PHF21A: variants seen among roughly 807,000 people sequenced by gnomAD.
PHF21A encodes the protein PHD finger protein 21A.
Under a neutral mutation model 82.5 loss-of-function variants are expected in PHF21A, and 11 were observed. The observed-to-expected ratio is 0.13, with a 90% CI of 0.08 to 0.22. The LOEUF (loss-of-function observed/expected upper bound fraction) is 0.22, where lower values mean the gene tolerates loss of function less well. PHF21A is among the 10% of genes least tolerant of loss of function. PHF21A has a pLI of 1.00. For synonymous variants in PHF21A, 297 were observed against 302.8 expected (o/e 0.98, Z 0.20); for missense variants, 579 against 837.8 (o/e 0.69, Z 3.81).
chr11:46,038,251 T>C (rs2096058077), intron 6 of PHF21A, among the ~76,000 whole-genome samples: 1 of 151,950 alleles, frequency 6.6e-6, no homozygotes. Context: ...CTCAGCCTCC[T>C]GAGTAGCTGA....
intron 6 of PHF21A, among the ~76,000 whole-genome samples, chr11:46,036,689 T>C (rs11038747): frequency 0.017 from 2,644 of 152,334 alleles, 39 homozygotes; most frequent in Non-Finnish European, 0.026. Context: ...TCCACTGTTA[T>C]TTCCTCACAG....
intron 6 of PHF21A, among the ~76,000 whole-genome samples, chr11:46,003,618 C>T (rs1440534498): frequency 6.6e-6 from 1 of 152,000 alleles, no homozygotes; most frequent in Non-Finnish European, 1.5e-5. Flanking sequence ...AGGATGATGA[C>T]TAGTACTTAT....
chr11:46,085,859 A>T (rs1313664822), intron 3 of PHF21A, among the ~76,000 whole-genome samples: 1 of 152,124 alleles, frequency 6.6e-6, no homozygotes, highest in African/African-American at 2.4e-5. Flanking sequence ...TATTCTCATT[A>T]GGCATAAAAC....
intron 6 of PHF21A, among the ~76,000 whole-genome samples, chr11:46,033,629 AAG>A (rs1481074825): frequency 1.3e-5 from 2 of 152,178 alleles, no homozygotes; most frequent in African/African-American, 2.4e-5. Flanking sequence ...GTATGTCTGT[AAG>A]AGTGTCTTTA....
chr11:46,043,157 G>A (rs904817058), intron 6 of PHF21A, among the ~76,000 whole-genome samples: 1 of 152,074 alleles, frequency 6.6e-6, no homozygotes, highest in Admixed American at 6.6e-5. Flanking sequence ...TTAGAGGTAA[G>A]AAATTCAATC....
chr11:45,950,169 C>A, intron 12 of PHF21A, 37 bp downstream of exon 12: 1 of 1,499,064 alleles, frequency 6.7e-7, no homozygotes, highest in Non-Finnish European at 9.2e-7. Context: ...AGCTGTGGGC[C>A]AGAAAAAAAG....
chr11:45,957,804 T>C (rs1001807265), intron 10 of PHF21A, among the ~76,000 whole-genome samples: 3 of 91,606 alleles, frequency 3.3e-5, no homozygotes, highest in Non-Finnish European at 4.9e-5. Context: ...TGAAGATAAA[T>C]GAAATAGAGA....
At chr11:46,018,936 A>T (rs1398687177) in intron 6 of PHF21A, among the ~76,000 whole-genome samples, 1 of 152,216 alleles carries the variant, frequency 6.6e-6, no homozygotes, top group Non-Finnish European at 1.5e-5. Flanking sequence ...TGACAAAATC[A>T]ATGTATCATA....
At chr11:46,110,269 A>G (rs2135985734) in intron 1 of PHF21A, among the ~76,000 whole-genome samples, 1 of 152,318 alleles carries the variant, frequency 6.6e-6, no homozygotes, top group East Asian at 1.9e-4. Flanking sequence ...AAGCCCAGCA[A>G]GGATGAACTT....
Position 46,084,252 on chromosome 11 carries a change from A to G in PHF21A, c.-33T>C. ...CTTCTCCACTTTCTCTGCTAATTCT[A>G]TAGTTTCTTCAGCCTCTGTTTAAAG... On this transcript the variant is annotated 5_prime_UTR_variant, in exon 4 of 19. Transcript: ENST00000676320. The G allele has an allele frequency of 6.4e-7, 1 of 1,559,310 alleles. No homozygotes were observed. The highest frequency in any genetic ancestry group is 8.7e-7 in the Non-Finnish European group (1 of 1,145,804).
At chr11:45,971,475 A>C in intron 7 of PHF21A, 108 bp from the exon 8 acceptor site, 1 of 1,001,100 alleles carries the variant, frequency 1.0e-6, no homozygotes, top group Non-Finnish European at 1.4e-6. Flanking sequence ...CAAAACAATA[A>C]TTCTCATAAT....
intron 9 of PHF21A, among the ~76,000 whole-genome samples, chr11:45,966,129 T>C (rs1311001699): frequency 6.6e-6 from 1 of 152,158 alleles, no homozygotes; most frequent in African/African-American, 2.4e-5. Context: ...TTCTTCCCAA[T>C]GTTCTCATTA....
chr11:45,959,667 G>A (rs923966635), intron 10 of PHF21A, among the ~76,000 whole-genome samples: 1 of 152,148 alleles, frequency 6.6e-6, no homozygotes, highest in African/African-American at 2.4e-5. Flanking sequence ...AAATACTAGA[G>A]CTAATAAACA....
chr11:46,030,825 G>C (rs923284488), intron 6 of PHF21A, among the ~76,000 whole-genome samples: 12 of 113,652 alleles, frequency 1.1e-4, no homozygotes, highest in African/African-American at 4.3e-4. Context: ...GTGTGCGTGT[G>C]TGTGCGTGTG....
intron 6 of PHF21A, among the ~76,000 whole-genome samples, chr11:46,021,539 T>C (rs1419259948): frequency 2.6e-5 from 4 of 151,892 alleles, no homozygotes. Context: ...CGTGCATGTG[T>C]GTGTGCATGT....
At chr11:46,082,271 A>G (rs2096801235) in intron 4 of PHF21A, among the ~76,000 whole-genome samples, 5 of 152,214 alleles carry the variant, frequency 3.3e-5, no homozygotes, top group African/African-American at 1.2e-4. Context: ...CTCATTCCCT[A>G]ACTGGAAATG....
intron 6 of PHF21A, among the ~76,000 whole-genome samples, chr11:46,049,899 A>ATT (rs1211531751): frequency 6.6e-6 from 1 of 152,242 alleles, no homozygotes; most frequent in Admixed American, 6.5e-5. Flanking sequence ...GAATCAAGAG[A>ATT]TTAAGTACTA....
At chr11:46,034,827 C>A (rs1403074403) in intron 6 of PHF21A, among the ~76,000 whole-genome samples, 2 of 152,166 alleles carry the variant, frequency 1.3e-5, no homozygotes, top group African/African-American at 2.4e-5. Context: ...CTGAGCCCTA[C>A]AAGGGGATAG....
At chr11:46,101,859 CTT>C (rs749509550) in intron 1 of PHF21A, among the ~76,000 whole-genome samples, 70 of 140,868 alleles carry the variant, frequency 5.0e-4, no homozygotes, top group Admixed American at 5.7e-4. Flanking sequence ...TGGTCTCCCT[CTT>C]TTTTTTTTTT....
Sources: allele counts gnomAD v4.1 joint callset (sites outside exome capture counted in the v4.1 genomes callset), GRCh38; gene constraint gnomAD v4.1.1; transcripts MANE v1.5; gene names NCBI Gene and HGNC (gene_info 2026-07-23, HGNC 2026-07-21).